C2CD3: variants seen among roughly 807,000 people sequenced by gnomAD.
The protein encoded by C2CD3 is C2 domain-containing protein 3.
Under a neutral mutation model 234.0 loss-of-function variants are expected in C2CD3, and 148 were observed. That is an observed-to-expected ratio of 0.63 (90% CI 0.55 to 0.72). The LOEUF (loss-of-function observed/expected upper bound fraction) is 0.72, where lower values mean the gene tolerates loss of function less well. Among genes scored for constraint, C2CD3 ranks in the 30% least tolerant of loss-of-function variants. The pLI is 0.00. For synonymous variants in C2CD3, 1,000 were observed against 1,035.4 expected (o/e 0.97, Z 0.66); for missense variants, 2,577 against 2,811.5 (o/e 0.92, Z 1.89).
At chr11:74,078,810 T>C in intron 22 of C2CD3, 93 bp from the exon 23 acceptor site, 1 of 1,217,420 alleles carries the variant, frequency 8.2e-7, no homozygotes, top group East Asian at 2.5e-5. Context: ...CCTATCATCC[T>C]GGCTCAAGAC....
chr11:74,098,124 G>C lies in C2CD3; in HGVS notation c.2864C>G (p.Ser955Cys). 1 of 1,614,018 alleles carries C rather than the reference G, an allele frequency of 6.2e-7. No individual in the cohort carries two copies. Among genetic ancestry groups the C allele is most frequent in the East Asian group, 2.2e-5 (1 of 44,880 alleles). Residue 955 changes from serine to cysteine, a missense_variant, in exon 16 of 33, where the codon TCT becomes TGT. Coordinates refer to ENST00000334126, the MANE Select transcript of C2CD3 (RefSeq NM_001286577.2). Reference sequence around the variant, plus strand: ...TTGTAGTGCCATTATTTGATTTGAAGAACCCATAGCTAAAAAGACTCGAAG... The same window carrying C: ...TTGTAGTGCCATTATTTGATTTGAACAACCCATAGCTAAAAAGACTCGAAG... ...GSLRVFLAMG[S>C]SNQIMALQRL... is the part of the protein sequence containing the mutation.
At chr11:74,056,204 C>T (rs1281533398) in intron 25 of C2CD3, among the ~76,000 whole-genome samples, 1 of 152,170 alleles carries the variant, frequency 6.6e-6, no homozygotes, top group African/African-American at 2.4e-5. Context: ...AAACAGAAGA[C>T]CAGACACCAT....
intron 9 of C2CD3, among the ~76,000 whole-genome samples, chr11:74,116,075 A>C (rs915380323): frequency 3.9e-5 from 6 of 152,198 alleles, no homozygotes; most frequent in Admixed American, 3.9e-4. Flanking sequence ...CAAAGACTTC[A>C]TATCCAAGAA....
intron 30 of C2CD3, 43 bp from the exon 31 acceptor site, chr11:74,034,321 C>T: frequency 6.7e-7 from 1 of 1,500,646 alleles, no homozygotes; most frequent in South Asian, 1.3e-5. Context: ...GGTAGGGCCA[C>T]AGACCCCTCA....
chr11:74,111,955 CACACACACACACACAT>C (rs1267667413), intron 11 of C2CD3, among the ~76,000 whole-genome samples: 2,500 of 146,862 alleles, frequency 0.017, 81 homozygotes, highest in African/African-American at 0.059. Context: ...CACACACACA[CACACACACACACACAT>C]ATATATATAC....
chr11:74,078,200 G>C lies in C2CD3; in HGVS notation c.4518C>G (p.Pro1506=), dbSNP rs2135465420. 1 of 1,613,998 alleles carries C rather than the reference G, an allele frequency of 6.2e-7. No individual in the cohort carries two copies. Among genetic ancestry groups the C allele is most frequent in the African/African-American group, 1.3e-5 (1 of 74,996 alleles). The part of the protein sequence containing the change: ...RAYGNDSVER[P]HQTDSWIGSA... ...AGCCAATCCAGCTGTCTGTCTGATGGGGTCTCTCCACACTGTCATTGCCAT... is the reference window on the plus strand; with the variant it reads ...AGCCAATCCAGCTGTCTGTCTGATGCGGTCTCTCCACACTGTCATTGCCAT... The change falls in exon 23 of 33, where the codon CCC becomes CCG. Residue 1506 remains proline, a synonymous_variant. Coordinates refer to ENST00000334126, the MANE Select transcript of C2CD3 (RefSeq NM_001286577.2).
intron 7 of C2CD3, among the ~76,000 whole-genome samples, chr11:74,127,648 T>C (rs1188968253): frequency 6.6e-6 from 1 of 152,188 alleles, no homozygotes. Flanking sequence ...TTTTCTGTCA[T>C]ATGGTAAATC....
In C2CD3 at chr11:74,132,839, C is replaced by T; in HGVS notation, c.1217+5G>A. The T allele has an allele frequency of 1.2e-6, 2 of 1,612,592 alleles. No homozygotes were observed. Among genetic ancestry groups the T allele is most frequent in the Non-Finnish European group, 8.5e-7 (1 of 1,179,386 alleles). ...AAAGGAAGAAAGCCAGTTAATAGTG[C>T]TTACCTGCCTAATAGCAGCTGTATA... On this transcript the variant is annotated splice_donor_5th_base_variant and intron_variant, in intron 7 of 32. Coordinates refer to ENST00000334126, the MANE Select transcript of C2CD3 (RefSeq NM_001286577.2).
intron 3 of C2CD3, among the ~76,000 whole-genome samples, chr11:74,146,955 A>G (rs1246316682): frequency 1.3e-5 from 2 of 152,070 alleles, no homozygotes; most frequent in Admixed American, 6.6e-5. Context: ...TGGGAGGCTG[A>G]GGCAGGAGAA....
chr11:74,077,103 TTTA>T (rs1396906326), intron 23 of C2CD3, among the ~76,000 whole-genome samples: 5 of 152,130 alleles, frequency 3.3e-5, no homozygotes, highest in African/African-American at 1.2e-4. Flanking sequence ...TTCTGCTCTG[TTTA>T]TTACCATATA....
Position 74,132,969 on chromosome 11 carries a change from G to C in C2CD3, c.1092C>G (p.Ile364Met), listed in dbSNP as rs746593780. The change falls in exon 7 of 33, where the codon ATC becomes ATG. Residue 364 changes from isoleucine (I) to methionine (M), a missense_variant. Physicochemically the swap from Ile to Met is conservative, Grantham distance 10 (BLOSUM62 1). Transcript: ENST00000334126. ...NEDSLRASTQ[I>M]RAFSRNRFKD... ...TAAACCGATTCCTAGAAAAGGCTCT[G>C]ATCCTAAGGTGTGGAAAAATACTTT... 1.2e-6 allele frequency: 2 copies of C among 1,613,232 alleles called. No individual in the cohort carries two copies. The highest frequency in any genetic ancestry group is 3.3e-5 in the Admixed American group (2 of 59,856).
intron 24 of C2CD3, among the ~76,000 whole-genome samples, chr11:74,058,251 T>C (rs1049016683): frequency 6.6e-6 from 1 of 152,180 alleles, no homozygotes; most frequent in Non-Finnish European, 1.5e-5. Context: ...ATTGGGCATA[T>C]TATACTTACA....
intron 29 of C2CD3, 135 bp downstream of exon 29, chr11:74,041,919 A>G (rs1412386458): frequency 1.2e-6 from 1 of 800,272 alleles, no homozygotes; most frequent in African/African-American, 1.7e-5. Flanking sequence ...ACCTGATACT[A>G]ACATGCAAAA....
intron 7 of C2CD3, among the ~76,000 whole-genome samples, chr11:74,125,703 T>C (rs985516411): frequency 2.0e-5 from 3 of 152,130 alleles, no homozygotes; most frequent in African/African-American, 2.4e-5. Flanking sequence ...GCACCTTTTT[T>C]CTTATACAAC....
chr11:74,053,407 G>A (rs887649863), intron 26 of C2CD3, among the ~76,000 whole-genome samples: 3 of 152,200 alleles, frequency 2.0e-5, no homozygotes, highest in Non-Finnish European at 4.4e-5. Context: ...AATATGCACA[G>A]ATAAGTCATT....
chr11:74,127,111 G>A lies in C2CD3; in HGVS notation c.1218-3976C>T, dbSNP rs372591792. Reference sequence around the variant, plus strand: ...CAGCCTCAACCTCCCAGTCTCAACTGATCCTCCTACCTCAGCCTTCTGAGT... The same window carrying A: ...CAGCCTCAACCTCCCAGTCTCAACTAATCCTCCTACCTCAGCCTTCTGAGT... On this transcript the variant is annotated intron_variant, in intron 7 of 32. Coordinates refer to ENST00000334126, the MANE Select transcript of C2CD3 (RefSeq NM_001286577.2). Among the ~76,000 whole-genome samples the A allele has an allele frequency of 5.9e-4, 90 of 152,284 alleles. No individual in the cohort carries two copies. In the South Asian group the frequency reaches 0.018, roughly 31 times the overall value.
Position 74,060,618 on chromosome 11 carries a change from C to T in C2CD3, c.4952-3074G>A, listed in dbSNP as rs544543582. 1.1e-4 allele frequency among the ~76,000 whole-genome samples: 16 copies of T among 152,242 alleles called. No individual in the cohort carries two copies. The South Asian group carries it at 1.7e-3, about 16-fold the overall frequency. ...CATCCACACCAAAACCCCATGTGGACGTCACCATCATCAAAGACCAAAGGT... is the reference window on the plus strand; with the variant it reads ...CATCCACACCAAAACCCCATGTGGATGTCACCATCATCAAAGACCAAAGGT... On this transcript the variant is annotated intron_variant, in intron 24 of 32. Transcript: ENST00000334126.
intron 24 of C2CD3, among the ~76,000 whole-genome samples, chr11:74,073,586 C>CAAAAAAAAAAAAAAAAAAATAA: frequency 8.7e-6 from 1 of 114,586 alleles, no homozygotes; most frequent in Non-Finnish European, 1.9e-5. Context: ...GACTTTGTTT[C>CAAAAAAAAAAAAAAAAAAATAA]AAAAAAAAAA....
chr11:74,033,850 C>A lies in C2CD3; in HGVS notation c.6310G>T (p.Glu2104Ter). The change falls in exon 31 of 33, where the codon GAG becomes TAG. Residue 2104 changes from glutamate to a stop codon, truncating the protein, a stop_gained. Transcript: ENST00000334126. LOFTEE classifies it high-confidence loss of function. ...TSEVISPQPD[E>*]VQREGPSCPS... ...CAAGAGGGGCCTTCCCTCTGCACCT[C>A]GTCAGGCTGAGGGCTGATGACCTCA... 5 of 1,536,194 alleles carry A rather than the reference C, an allele frequency of 3.3e-6. No individual in the cohort carries two copies. Among genetic ancestry groups the A allele is most frequent in the Non-Finnish European group, 4.4e-6 (5 of 1,146,918 alleles).
Sources: gnomAD v4.1 joint callset for allele counts (sites outside exome capture counted in the v4.1 genomes callset) on GRCh38, gnomAD v4.1.1 for gene constraint, MANE v1.5 for transcripts, NCBI Gene and HGNC (gene_info 2026-07-23, HGNC 2026-07-21) for gene names.